The following PACSIN2 variants were observed in gnomAD, a reference collection of about 807,000 sequenced individuals.
PACSIN2 encodes protein kinase C and casein kinase substrate in neurons 2.
In PACSIN2, 25 loss-of-function variants were observed where a neutral mutation model predicts 63.8. That is an observed-to-expected ratio of 0.39 (90% confidence interval 0.29 to 0.55). PACSIN2 has a LOEUF of 0.55. Among genes scored for constraint, PACSIN2 ranks in the 20% least tolerant of loss-of-function variants. The pLI is 0.62. For missense variants in PACSIN2, 518 were observed against 646.9 expected, an observed-to-expected ratio of 0.80 and a Z score of 2.16; for synonymous variants, 255 against 256.2, an observed-to-expected ratio of 1.00 and a Z score of 0.05.
chr22:42,888,239 C>T lies in PACSIN2; in HGVS notation c.609+404G>A, dbSNP rs146009921. ...GATTTGGTCCTCATAACCCTCCATA[C>T]CAGCTCACACCACACCCATTCACAC... On this transcript the variant is annotated intron_variant, in intron 5 of 10. Coordinates refer to ENST00000263246, the MANE Select transcript of PACSIN2 (RefSeq NM_001184970.3). 5.7e-4 allele frequency among the ~76,000 whole-genome samples: 87 copies of T among 152,290 alleles called. No homozygotes were observed. In the South Asian group the frequency reaches 7.3e-3, roughly 13 times the overall value.
rs146993180 is a variant in PACSIN2, at chr22:42,942,722, T to C, written c.-77-30565A>G. ...TTGTCCAAAGTCAACTGACCATAAA[T>C]GTAGGGGTTTAGTTTTGTTTTCTTG... On this transcript the variant is annotated intron_variant, in intron 1 of 10. Transcript: ENST00000263246. Among the ~76,000 whole-genome samples the C allele has an allele frequency of 7.2e-5, 11 of 152,326 alleles. No homozygotes were observed. The East Asian group carries it at 1.2e-3, about 16-fold the overall frequency.
At chr22:43,008,116 T>C (rs1378263987) in intron 1 of PACSIN2, among the ~76,000 whole-genome samples, 1 of 152,256 alleles carries the variant, frequency 6.6e-6, no homozygotes, top group African/African-American at 2.4e-5. Flanking sequence ...TCAGCTTCCA[T>C]GTCTGAGTAT....
Position 43,010,398 on chromosome 22 carries a change from A to ATATTTTTTT in PACSIN2, c.-78+4622_-78+4623insAAAAAAATA. Among the ~76,000 whole-genome samples the ATATTTTTTT allele has an allele frequency of 1.0e-3, 130 of 126,400 alleles. 4 individuals are homozygous for ATATTTTTTT. Among genetic ancestry groups the ATATTTTTTT allele is most frequent in the Middle Eastern group, 8.1e-3 (2 of 248 alleles). 82.9% of individuals were successfully genotyped at this position (126,400 alleles called of 152,430 possible). ...TGTTTAAAAATACATATATATATAT[A>ATATTTTTTT]TTTTTTTTTAATTGAAAATAAAAAA... On this transcript the variant is annotated intron_variant, in intron 1 of 10. Coordinates refer to ENST00000263246, the MANE Select transcript of PACSIN2 (RefSeq NM_001184970.3).
intron 1 of PACSIN2, among the ~76,000 whole-genome samples, chr22:42,981,900 C>T (rs1922186096): frequency 4.4e-5 from 4 of 91,628 alleles, no homozygotes; most frequent in South Asian, 4.6e-4. Flanking sequence ...CCTGGCCAGC[C>T]GCCCCGTCCG....
intron 1 of PACSIN2, among the ~76,000 whole-genome samples, chr22:42,927,003 C>T (rs960228338): frequency 1.2e-4 from 18 of 152,156 alleles, no homozygotes; most frequent in African/African-American, 4.3e-4. Flanking sequence ...TTCCAGCCTC[C>T]CCACACTGCC....
chr22:42,895,833 G>A (rs968141359), intron 2 of PACSIN2, among the ~76,000 whole-genome samples: 1 of 152,240 alleles, frequency 6.6e-6, no homozygotes, highest in African/African-American at 2.4e-5. Context: ...TTGGGACCGA[G>A]GCACCCCAGC....
chr22:42,962,055 G>A (rs770114679), intron 1 of PACSIN2, among the ~76,000 whole-genome samples: 1 of 152,128 alleles, frequency 6.6e-6, no homozygotes, highest in African/African-American at 2.4e-5. Flanking sequence ...CACTAAGACA[G>A]AAGCAGCGCC....
intron 1 of PACSIN2, among the ~76,000 whole-genome samples, chr22:42,996,152 G>A (rs919553538): frequency 1.5e-4 from 22 of 151,700 alleles, no homozygotes; most frequent in Non-Finnish European, 2.6e-4. Flanking sequence ...CCTGGGAAGC[G>A]GAGCTTGCAA....
intron 1 of PACSIN2, among the ~76,000 whole-genome samples, chr22:42,936,917 A>C (rs4822234): frequency 8.5e-5 from 10 of 117,128 alleles, no homozygotes; most frequent in Non-Finnish European, 1.7e-4. Context: ...CCTCAAAAAA[A>C]GGGGGGGGGG....
chr22:42,946,721 A>G (rs1276450768), intron 1 of PACSIN2, among the ~76,000 whole-genome samples: 1 of 152,174 alleles, frequency 6.6e-6, no homozygotes, highest in African/African-American at 2.4e-5. Context: ...TCTCTCGTCC[A>G]GCTGGGGATC....
intron 1 of PACSIN2, among the ~76,000 whole-genome samples, chr22:42,956,376 G>A (rs1307036493): frequency 6.6e-6 from 1 of 152,198 alleles, no homozygotes; most frequent in Non-Finnish European, 1.5e-5. Flanking sequence ...ACGTCAGGTA[G>A]ACACAACCTG....
At chr22:42,923,603 A>T (rs1932341409) in intron 1 of PACSIN2, among the ~76,000 whole-genome samples, 1 of 151,948 alleles carries the variant, frequency 6.6e-6, no homozygotes, top group Non-Finnish European at 1.5e-5. Context: ...AATTTTTTGT[A>T]TTTTTAGTAG....
At chr22:42,933,725 T>G (rs941855663) in intron 1 of PACSIN2, among the ~76,000 whole-genome samples, 18 of 152,232 alleles carry the variant, frequency 1.2e-4, no homozygotes, top group Non-Finnish European at 5.9e-5. Context: ...CCAGACCCTC[T>G]TTCTTCCCAG....
chr22:42,902,804 G>A (rs5759019), intron 2 of PACSIN2, among the ~76,000 whole-genome samples: 58,766 of 152,022 alleles, frequency 0.39, 12,442 homozygotes, highest in Non-Finnish European at 0.48. Flanking sequence ...AGTAGAGACA[G>A]GGCTTCGCCA....
At chr22:42,978,629 G>A (rs1172925161) in intron 1 of PACSIN2, among the ~76,000 whole-genome samples, 1 of 152,212 alleles carries the variant, frequency 6.6e-6, no homozygotes, top group African/African-American at 2.4e-5. Context: ...AGTTGTGGGA[G>A]GCAGTCGGGC....
intron 1 of PACSIN2, among the ~76,000 whole-genome samples, chr22:42,931,037 A>G (rs1277432957): frequency 6.6e-6 from 1 of 152,238 alleles, no homozygotes; most frequent in Non-Finnish European, 1.5e-5. Context: ...TGTTGACAGG[A>G]ATTCTTTCAT....
At chr22:43,012,154 AATACATAC>A (rs71311476) in intron 1 of PACSIN2, among the ~76,000 whole-genome samples, 2,591 of 133,966 alleles carry the variant, frequency 0.019, 69 homozygotes, top group African/African-American at 0.06. Context: ...AAAATAAATA[AATACATAC>A]ATACATACAT....
chr22:42,952,726 G>A (rs971958429), intron 1 of PACSIN2, among the ~76,000 whole-genome samples: 2 of 150,780 alleles, frequency 1.3e-5, no homozygotes, highest in Non-Finnish European at 2.9e-5. Context: ...GCAGTGGAGC[G>A]ATCTCGGCTC....
At chr22:42,951,565 T>A (rs913695850) in intron 1 of PACSIN2, among the ~76,000 whole-genome samples, 1 of 152,084 alleles carries the variant, frequency 6.6e-6, no homozygotes, top group East Asian at 1.9e-4. Context: ...TGCTCCTGCA[T>A]CCCCCGGTTG....
Sources: allele counts gnomAD v4.1 joint callset (sites outside exome capture counted in the v4.1 genomes callset), GRCh38; gene constraint gnomAD v4.1.1; transcripts MANE v1.5; gene names NCBI Gene and HGNC (gene_info 2026-07-23, HGNC 2026-07-21).